The following NDUFAF7 variants were observed in gnomAD, a reference collection of about 807,000 sequenced individuals.
NDUFAF7 encodes NADH:ubiquinone oxidoreductase complex assembly factor 7, also known as protein arginine methyltransferase NDUFAF7, mitochondrial.
NDUFAF7 carries 48 observed loss-of-function variants against 47.2 expected under a neutral mutation model. The observed-to-expected ratio is 1.02, with a 90% CI of 0.81 to 1.29. NDUFAF7 has a LOEUF of 1.29. NDUFAF7 is among the 50% of genes most tolerant of loss of function. NDUFAF7 has a pLI of 0.00. For synonymous variants in NDUFAF7, 217 were observed against 190.0 expected (o/e 1.14, Z -1.17); for missense variants, 635 against 537.6 (o/e 1.18, Z -1.79).
downstream of NDUFAF7, among the ~76,000 whole-genome samples, chr2:37,256,073 T>G (rs977335583): frequency 1.3e-5 from 2 of 152,048 alleles, no homozygotes; most frequent in African/African-American, 2.4e-5. Flanking sequence ...AATTCTGCAG[T>G]GTAGAGGAGT....
rs530945373 is a variant in NDUFAF7, at chr2:37,246,617, C to T, written c.936+422C>T. Among the ~76,000 whole-genome samples, 7 of 152,190 alleles carry T rather than the reference C, an allele frequency of 4.6e-5. No individual in the cohort carries two copies. The South Asian group carries it at 8.3e-4, about 18-fold the overall frequency. ...ATATTTTCAACATTTTTTCCCTTTC[C>T]AGATGTATTCTTTTACACTGTTCCT... On this transcript the variant is annotated intron_variant, in intron 8 of 9. Transcript: ENST00000002125.
chr2:37,247,974 A>G (rs1209472810), intron 9 of NDUFAF7, among the ~76,000 whole-genome samples, 161 bp from the exon 10 acceptor site: 1 of 152,196 alleles, frequency 6.6e-6, no homozygotes, highest in African/African-American at 2.4e-5. Context: ...TTTCACACCA[A>G]TCTACATTTT....
chr2:37,259,678 G>A, the NDUFAF7 span: 3 of 1,605,064 alleles, frequency 1.9e-6, no homozygotes, highest in Admixed American at 3.4e-5. Flanking sequence ...AAAGCAACAA[G>A]TATCTGTTAT....
the NDUFAF7 span, among the ~76,000 whole-genome samples, chr2:37,258,505 T>C: frequency 6.6e-6 from 1 of 152,206 alleles, no homozygotes; most frequent in African/African-American, 2.4e-5. Flanking sequence ...TTATTTTCCC[T>C]TTGCTTCTCA....
chr2:37,252,438 C>CTT (rs2148464207), downstream of NDUFAF7: 1 of 152,292 alleles, frequency 6.6e-6, no homozygotes, highest in Non-Finnish European at 1.5e-5. Flanking sequence ...AGTACTCTTC[C>CTT]TTTTGTAACA....
chr2:37,257,122 T>C (rs146773410), downstream of NDUFAF7, among the ~76,000 whole-genome samples: 29 of 152,332 alleles, frequency 1.9e-4, no homozygotes, highest in African/African-American at 6.3e-4. Context: ...CCTGTGATCC[T>C]GACTGACACA....
chr2:37,260,235 G>A, the NDUFAF7 span: 2 of 1,607,456 alleles, frequency 1.2e-6, no homozygotes, highest in South Asian at 1.1e-5. Flanking sequence ...GTGTGACCAT[G>A]AATTTAGTAA....
chr2:37,262,571 G>C, the NDUFAF7 span, among the ~76,000 whole-genome samples: 1 of 152,162 alleles, frequency 6.6e-6, no homozygotes, highest in Non-Finnish European at 1.5e-5. Context: ...TAGTGGTGGG[G>C]TGTGACAATG....
At chr2:37,261,956 T>TTAG in the NDUFAF7 span, among the ~76,000 whole-genome samples, 1 of 152,172 alleles carries the variant, frequency 6.6e-6, no homozygotes, top group Non-Finnish European at 1.5e-5. Context: ...ATTCAACACA[T>TTAG]TAGTGTAAAA....
chr2:37,249,663 C>CAT (rs1318780563), downstream of NDUFAF7, among the ~76,000 whole-genome samples: 6 of 151,174 alleles, frequency 4.0e-5, no homozygotes, highest in African/African-American at 1.2e-4. Flanking sequence ...CACACACACA[C>CAT]ACACACACAC....
chr2:37,231,987 G>A, intron 1 of NDUFAF7, 119 bp from the exon 2 acceptor site: 3 of 1,601,988 alleles, frequency 1.9e-6, no homozygotes, highest in East Asian at 2.2e-5. Context: ...ACAGTAGCCC[G>A]CGGTCTGCGG....
intron 3 of NDUFAF7, 92 bp from the exon 4 acceptor site, chr2:37,237,665 A>T: frequency 1.0e-6 from 1 of 997,756 alleles, no homozygotes; most frequent in Non-Finnish European, 1.5e-6. Flanking sequence ...GCTTTTTGGC[A>T]TATAGTGCAT....
chr2:37,251,909 G>A (rs1427878368), downstream of NDUFAF7: 9 of 152,002 alleles, frequency 5.9e-5, no homozygotes, highest in Non-Finnish European at 1.3e-4. Context: ...AATGATTACT[G>A]AGAAATGAAG....
intron 8 of NDUFAF7, 56 bp from the exon 9 acceptor site, chr2:37,247,400 T>A: frequency 1.3e-6 from 2 of 1,576,302 alleles, no homozygotes; most frequent in Non-Finnish European, 1.7e-6. Context: ...TATGATAGCA[T>A]TTCTTTAATC....
intron 5 of NDUFAF7, 50 bp from the exon 6 acceptor site, chr2:37,242,581 GAATT>G (rs1666466187): frequency 5.0e-6 from 7 of 1,401,952 alleles, no homozygotes; most frequent in East Asian, 2.3e-5. Context: ...ATATTCAAAA[GAATT>G]AATTCCTGTG....
chr2:37,249,311 T>A (rs983539130), downstream of NDUFAF7, among the ~76,000 whole-genome samples: 12 of 152,114 alleles, frequency 7.9e-5, no homozygotes, highest in African/African-American at 1.7e-4. Context: ...GTGCATTTTT[T>A]AAAAAATTAT....
intron 4 of NDUFAF7, among the ~76,000 whole-genome samples, chr2:37,239,885 G>A (rs1666178471): frequency 6.6e-6 from 1 of 152,132 alleles, no homozygotes; most frequent in African/African-American, 2.4e-5. Flanking sequence ...CAGAATGGTG[G>A]TGACTTCCAA....
At chr2:37,250,218 ATTCT>A (rs1421083034), downstream of NDUFAF7, among the ~76,000 whole-genome samples, 1 of 152,000 alleles carries the variant, frequency 6.6e-6, no homozygotes. Flanking sequence ...AGTTGTTCTC[ATTCT>A]AGATTCCTGT....
chr2:37,239,732 A>G (rs1666164519), intron 4 of NDUFAF7, among the ~76,000 whole-genome samples: 1 of 113,982 alleles, frequency 8.8e-6, no homozygotes, highest in Admixed American at 9.8e-5. Flanking sequence ...GTGTGAAAGT[A>G]GCAGTTTGCA....
Sources: allele counts gnomAD v4.1 joint callset (sites outside exome capture counted in the v4.1 genomes callset), GRCh38; gene constraint gnomAD v4.1.1; transcripts MANE v1.5; gene names NCBI Gene and HGNC (gene_info 2026-07-23, HGNC 2026-07-21).